The following ITGA8 variants were observed in gnomAD, a reference collection of about 807,000 sequenced individuals.
ITGA8 encodes the protein integrin alpha-8.
A neutral mutation model predicts 142.3 loss-of-function variants in ITGA8; 91 were observed. The ratio of observed to expected loss-of-function variants is 0.64; its 90% CI spans 0.54 to 0.76. The LOEUF is 0.76. Ranked by LOEUF, ITGA8 falls within the 30% of genes least tolerant of loss-of-function variation. The pLI, the probability that ITGA8 is intolerant of heterozygous loss-of-function variation, is 0.00. For synonymous variants in ITGA8, 505 were observed against 485.2 expected (o/e 1.04, Z -0.54); for missense variants, 1,406 against 1,327.7 (o/e 1.06, Z -0.92).
At chr10:15,712,906 C>T (rs937729250) in intron 2 of ITGA8, among the ~76,000 whole-genome samples, 8 of 152,222 alleles carry the variant, frequency 5.3e-5, no homozygotes, top group African/African-American at 1.9e-4. Flanking sequence ...TGCCAAGAAC[C>T]TTGAAGCCTG....
intron 2 of ITGA8, among the ~76,000 whole-genome samples, chr10:15,700,197 T>C (rs1316808396): frequency 6.6e-6 from 1 of 152,208 alleles, no homozygotes; most frequent in African/African-American, 2.4e-5. Flanking sequence ...AAAAGCCACT[T>C]GCCCCCACAG....
intron 2 of ITGA8, among the ~76,000 whole-genome samples, chr10:15,706,400 G>A (rs1835258668): frequency 6.6e-6 from 1 of 151,984 alleles, no homozygotes; most frequent in Non-Finnish European, 1.5e-5. Context: ...TTGCTTGCTT[G>A]CTTCTGCTCT....
At chr10:15,527,230 C>T (rs963574237) in intron 28 of ITGA8, among the ~76,000 whole-genome samples, 8 of 152,148 alleles carry the variant, frequency 5.3e-5, no homozygotes, top group Non-Finnish European at 8.8e-5. Context: ...ATTTCAACTC[C>T]AAATAATTGT....
rs1321219702 is a variant in ITGA8, at chr10:15,519,356, C to A, written c.3039G>T (p.Trp1013Cys). ...CAAGAAGTATTGCTAGTATTATTAC[C>A]CATAATGGGATTGAGAAGGAAACAT... ...TPNVSFSIPL[W>C]VIILAILLGL... The change falls in exon 29 of 30, where the codon TGG becomes TGT. Residue 1013 changes from tryptophan (W) to cysteine (C), a missense_variant. Coordinates refer to ENST00000378076, the MANE Select transcript of ITGA8 (RefSeq NM_003638.3). 3 of 1,613,456 alleles carry A rather than the reference C, an allele frequency of 1.9e-6. No individual in the cohort carries two copies. The highest frequency in any genetic ancestry group is 1.7e-6 in the Non-Finnish European group (2 of 1,179,582).
intron 28 of ITGA8, among the ~76,000 whole-genome samples, chr10:15,523,580 C>A (rs573749845): frequency 6.6e-6 from 1 of 152,138 alleles, no homozygotes; most frequent in East Asian, 1.9e-4. Context: ...AAAACTGTTG[C>A]CAGTCTGCTT....
intron 4 of ITGA8, 59 bp downstream of exon 4, chr10:15,683,945 T>C (rs1246585808): frequency 1.2e-6 from 2 of 1,603,418 alleles, no homozygotes; most frequent in Non-Finnish European, 1.7e-6. Context: ...CCTGCACTCC[T>C]GTCTACGATA....
chr10:15,532,011 C>G (rs1432145808), intron 27 of ITGA8, among the ~76,000 whole-genome samples: 3 of 135,262 alleles, frequency 2.2e-5, no homozygotes, highest in African/African-American at 5.5e-5. Context: ...GTTTCTTGGC[C>G]TAAGCACTGT....
At chr10:15,627,276 G>T (rs532152889) in intron 13 of ITGA8, among the ~76,000 whole-genome samples, 12 of 152,328 alleles carry the variant, frequency 7.9e-5, no homozygotes, top group African/African-American at 2.6e-4. Context: ...AGGAAAGAGT[G>T]TAAGTTTCTG....
At position 15,548,566 on chromosome 10, in the gene ITGA8, A is replaced by T. The variant is rs960439105; in HGVS notation, c.2769T>A (p.Asn923Lys). Residue 923 changes from asparagine to lysine, a missense_variant and splice_region_variant, in exon 27 of 30, where the codon AAT becomes AAA. Transcript: ENST00000378076. Reference protein sequence around the residue: ...FHRQSPAKILNCTNIECLQIS... With the variant: ...FHRQSPAKILKCTNIECLQIS... ...TTTGTAAACACTCGATATTTGTACA[A>T]TTCTGCAAACAGCAGTGGGAACACG... 6 of 1,606,244 alleles carry T rather than the reference A, an allele frequency of 3.7e-6. No individual in the cohort carries two copies. Among genetic ancestry groups the T allele is most frequent in the Non-Finnish European group, 2.6e-6 (3 of 1,174,522 alleles).
At position 15,672,748 on chromosome 10, in the gene ITGA8, T is replaced by C. The variant is rs778949383; in HGVS notation, c.678A>G (p.Gly226=). The change falls in exon 7 of 30, where the codon GGA becomes GGG. Residue 226 remains glycine, a splice_region_variant and synonymous_variant. Coordinates refer to ENST00000378076, the MANE Select transcript of ITGA8 (RefSeq NM_003638.3). ...CTGCAACACTGGCAGTGATCACTTG[T>C]CCTGTGTTTAAACAAATTAATACGT... ...VGGPGSFYWQ[G]QVITASVADI... 4 of 1,605,382 alleles carry C rather than the reference T, an allele frequency of 2.5e-6. No individual in the cohort carries two copies. Among genetic ancestry groups the C allele is most frequent in the Non-Finnish European group, 3.4e-6 (4 of 1,176,638 alleles).
intron 27 of ITGA8, among the ~76,000 whole-genome samples, chr10:15,546,552 C>T (rs1415902044): frequency 6.6e-6 from 1 of 152,118 alleles, no homozygotes; most frequent in Non-Finnish European, 1.5e-5. Context: ...GCTACCAGCA[C>T]CTACTAGGTA....
chr10:15,677,551 TAAC>T (rs1834653541), intron 6 of ITGA8, 38 bp downstream of exon 6: 1 of 1,563,560 alleles, frequency 6.4e-7, no homozygotes, highest in Non-Finnish European at 8.8e-7. Context: ...CTTCTGTTAG[TAAC>T]AACAAATGTG....
At chr10:15,694,678 C>CATATATATAT (rs71374639) in intron 2 of ITGA8, among the ~76,000 whole-genome samples, 30,847 of 77,240 alleles carry the variant, frequency 0.4, 7,271 homozygotes, top group Middle Eastern at 0.57. Flanking sequence ...TATTTGTCGA[C>CATATATATAT]ATATATATAT....
At chr10:15,624,887 G>A (rs921937959) in intron 13 of ITGA8, among the ~76,000 whole-genome samples, 1 of 152,146 alleles carries the variant, frequency 6.6e-6, no homozygotes, top group Non-Finnish European at 1.5e-5. Flanking sequence ...ACTTGTGAGT[G>A]GGCTATGAAA....
intron 11 of ITGA8, among the ~76,000 whole-genome samples, chr10:15,652,513 G>A (rs1240219662): frequency 6.6e-6 from 1 of 151,008 alleles, no homozygotes; most frequent in Admixed American, 6.6e-5. Context: ...TTTTGTAAGC[G>A]TTATGAAAAC....
chr10:15,576,927 G>A (rs1470768), intron 23 of ITGA8, among the ~76,000 whole-genome samples: 150,022 of 152,306 alleles, frequency 0.99, 73,930 homozygotes, highest in South Asian at 1. Context: ...AGACATTTCT[G>A]CGTTTATATT....
intron 27 of ITGA8, among the ~76,000 whole-genome samples, chr10:15,547,263 T>C (rs1833691229): frequency 6.6e-6 from 1 of 152,084 alleles, no homozygotes; most frequent in African/African-American, 2.4e-5. Context: ...ATAAAAGAGA[T>C]TTTAAACTTT....
At chr10:15,552,239 C>T (rs1833803910) in intron 26 of ITGA8, among the ~76,000 whole-genome samples, 1 of 152,092 alleles carries the variant, frequency 6.6e-6, no homozygotes, top group Non-Finnish European at 1.5e-5. Context: ...CGGGTTCACG[C>T]CATTCTCCTG....
chr10:15,719,287 C>T (rs923524523), intron 1 of ITGA8, among the ~76,000 whole-genome samples: 14 of 152,226 alleles, frequency 9.2e-5, no homozygotes, highest in Non-Finnish European at 1.8e-4. Context: ...CTTCTGGGTC[C>T]TGTTCTCTCC....
Sources: allele counts gnomAD v4.1 joint callset (sites outside exome capture counted in the v4.1 genomes callset), GRCh38; gene constraint gnomAD v4.1.1; transcripts MANE v1.5; gene names NCBI Gene and HGNC (gene_info 2026-07-23, HGNC 2026-07-21).